The following DNMT1 variants were observed in gnomAD, a reference collection of about 807,000 sequenced individuals.
DNMT1 encodes the protein DNA (cytosine-5)-methyltransferase 1.
In DNMT1, 24 loss-of-function variants were observed where a neutral mutation model predicts 205.3. That is an observed-to-expected ratio of 0.12 (90% CI 0.08 to 0.16). The LOEUF is 0.16. DNMT1 is among the 10% of genes least tolerant of loss of function. The pLI, the probability that DNMT1 is intolerant of heterozygous loss-of-function variation, is 1.00. For synonymous variants in DNMT1, 817 were observed against 839.8 expected (o/e 0.97, Z 0.47); for missense variants, 1,293 against 2,177.7 (o/e 0.59, Z 8.09).
chr19:10,154,768 C>T lies in DNMT1; in HGVS notation c.1650G>A (p.Thr550=), dbSNP rs2038423011. Residue 550 remains threonine, a synonymous_variant, in exon 21 of 41, where the codon ACG becomes ACA. Coordinates refer to ENST00000359526, the MANE Select transcript of DNMT1 (RefSeq NM_001130823.3). This position sits in a 1 kb window ranked among gnomAD's most constrained non-coding sequence, Gnocchi z 6.3. The part of the protein sequence containing the change: ...YEDLINKIET[T]VPPSGLNLNR... ...TCAAGTTGAGGCCAGAAGGAGGAAC[C>T]GTGGTCTTGAAAGAGAACAGGTTTC... 8 of 1,614,188 alleles carry T rather than the reference C, an allele frequency of 5.0e-6. No homozygotes were observed. The Middle Eastern group carries it at 6.6e-4, about 133-fold the overall frequency.
chr19:10,147,175 T>C (rs1338982090), intron 27 of DNMT1, among the ~76,000 whole-genome samples: 1 of 151,894 alleles, frequency 6.6e-6, no homozygotes, highest in African/African-American at 2.4e-5. Flanking sequence ...GGCAGGAAGA[T>C]CACTTGAGCC....
At chr19:10,150,881 C>T (rs979765034) in intron 24 of DNMT1, among the ~76,000 whole-genome samples, 1 of 152,050 alleles carries the variant, frequency 6.6e-6, no homozygotes, top group Non-Finnish European at 1.5e-5. Flanking sequence ...TCACTTGAGG[C>T]CGGAGTTCGA....
chr19:10,190,463 C>T (rs1239715265), intron 1 of DNMT1, among the ~76,000 whole-genome samples: 1 of 152,004 alleles, frequency 6.6e-6, no homozygotes, highest in Non-Finnish European at 1.5e-5. Context: ...TGAGAGCAGG[C>T]TTAAGAATGA....
At chr19:10,148,491 G>A (rs1473116683) in intron 27 of DNMT1, among the ~76,000 whole-genome samples, 12 of 138,880 alleles carry the variant, frequency 8.6e-5, no homozygotes, top group Admixed American at 1.5e-4. Context: ...GCGAGACTCC[G>A]TCTCAAAAAA....
Position 10,137,529 on chromosome 19 carries a change from G to A in DNMT1, c.4294-249C>T, listed in dbSNP as rs111553425. 43 of 636,676 alleles carry A rather than the reference G, an allele frequency of 6.8e-5. 1 individual carries two copies. The highest frequency in any genetic ancestry group is 4.4e-4 in the African/African-American group (24 of 54,870). The allele number at this position is 636,676 out of a possible 1,614,324, so 39.4% of individuals were successfully genotyped here. A position where few individuals can be genotyped will look rare whatever the true frequency, so the allele number is the denominator to read the frequency against. On this transcript the variant is annotated intron_variant, in intron 36 of 40. Coordinates refer to ENST00000359526, the MANE Select transcript of DNMT1 (RefSeq NM_001130823.3). This position sits in a 1 kb window ranked among gnomAD's most constrained non-coding sequence, Gnocchi z 6.4. ...GTGGGGGAAGGGGAGTGGTGCCAGGGGATGGTGAAAGGGCTGGTCTTGGCA... is the reference window on the plus strand; with the variant it reads ...GTGGGGGAAGGGGAGTGGTGCCAGGAGATGGTGAAAGGGCTGGTCTTGGCA...
rs146117098 is a variant in DNMT1 at position 10,181,010 on chromosome 19, G to A, written c.118-125C>T. The A allele has an allele frequency of 4.6e-5, 35 of 769,210 alleles. No homozygotes were observed. The African/African-American group carries it at 5.6e-4, about 12-fold the overall frequency. 47.6% of individuals were successfully genotyped at this position (769,210 alleles called of 1,614,324 possible). A position where few individuals can be genotyped will look rare whatever the true frequency, so the allele number is the denominator to read the frequency against. ...GTGAATGGCAGGCAATGCTGTCTCA[G>A]TCAAAACACTAAACAGTCATGAAAT... On this transcript the variant is annotated intron_variant, in intron 2 of 40. Coordinates refer to ENST00000359526, the MANE Select transcript of DNMT1 (RefSeq NM_001130823.3).
chr19:10,178,663 A>C (rs1270654378), intron 5 of DNMT1: 2 of 152,520 alleles, frequency 1.3e-5, no homozygotes, highest in Non-Finnish European at 2.9e-5. Flanking sequence ...CTGAGGCAGG[A>C]GAATGGCATG....
chr19:10,173,018 C>G (rs185030877), intron 9 of DNMT1, 72 bp downstream of exon 9: 1 of 1,571,010 alleles, frequency 6.4e-7, no homozygotes, highest in Non-Finnish European at 8.8e-7. Context: ...CCTGTCCCCA[C>G]GTCCTGGAAG....
intron 1 of DNMT1, among the ~76,000 whole-genome samples, chr19:10,189,519 A>G (rs575712255): frequency 6.6e-6 from 1 of 151,606 alleles, no homozygotes; most frequent in East Asian, 1.9e-4. Flanking sequence ...TCATGGGTTC[A>G]AGTGATCCTC....
intron 1 of DNMT1, among the ~76,000 whole-genome samples, 161 bp from the exon 2 acceptor site, chr19:10,182,238 A>G (rs1434650310): frequency 6.6e-6 from 1 of 152,076 alleles, no homozygotes; most frequent in East Asian, 1.9e-4. Flanking sequence ...AAGAGTCTAG[A>G]GTGTCCTACT....
chr19:10,173,352 C>A (rs1399624793), intron 8 of DNMT1, among the ~76,000 whole-genome samples, 178 bp from the exon 9 acceptor site: 1 of 152,140 alleles, frequency 6.6e-6, no homozygotes, highest in Non-Finnish European at 1.5e-5. Flanking sequence ...GGTTCGAATG[C>A]CAGCTGCCCT....
At chr19:10,136,070 C>A (rs574078689) in intron 38 of DNMT1, 51 bp downstream of exon 38, 1 of 1,611,816 alleles carries the variant, frequency 6.2e-7, no homozygotes, top group Non-Finnish European at 8.5e-7. Flanking sequence ...CTAGTTAGGC[C>A]GCCAAGTACA....
chr19:10,133,772 A>T lies in DNMT1; in HGVS notation c.4865-71T>A, dbSNP rs924484099. 20 of 1,472,418 alleles carry T rather than the reference A, an allele frequency of 1.4e-5. No individual in the cohort carries two copies. In the Admixed American group the frequency reaches 3.9e-4, roughly 29 times the overall value. The allele number at this position is 1,472,418 out of a possible 1,614,324, so 91.2% of individuals were successfully genotyped here. A position where few individuals can be genotyped will look rare whatever the true frequency, so the allele number is the denominator to read the frequency against. On this transcript the variant is annotated intron_variant, in intron 40 of 40. Transcript: ENST00000359526. This position sits in a 1 kb window ranked among gnomAD's most constrained non-coding sequence, Gnocchi z 4.1. ...TGTCACGCCACTTGACAGGCGAGTA[A>T]CAGACATGGACCATCAGGAAACATT...
In DNMT1 at chr19:10,135,229, AAG is replaced by A. The variant is rs1377120132; in HGVS notation, c.4773+505_4773+506del. On this transcript the variant is annotated intron_variant, in intron 39 of 40. Coordinates refer to ENST00000359526, the MANE Select transcript of DNMT1 (RefSeq NM_001130823.3). ...CTCCATCTCAAAAAAAAAAAAAAAA[AAG>A]AGAGAGTGGCTGCTTCCCGAGAACC... Among the ~76,000 whole-genome samples, 4 of 150,452 alleles carry A rather than the reference AAG, an allele frequency of 2.7e-5. No individual in the cohort carries two copies. The East Asian group carries it at 5.9e-4, about 22-fold the overall frequency.
At chr19:10,179,126 CAA>C (rs1000467616) in intron 5 of DNMT1, among the ~76,000 whole-genome samples, 10,987 of 64,478 alleles carry the variant, frequency 0.17, 512 homozygotes, top group East Asian at 0.44. Flanking sequence ...GACTCCATCT[CAA>C]AAAAAAAAAA....
chr19:10,143,626 G>A (rs942282255), intron 29 of DNMT1, 140 bp downstream of exon 29: 15 of 973,488 alleles, frequency 1.5e-5, no homozygotes, highest in Middle Eastern at 3.0e-4. Flanking sequence ...AGTGCCCACC[G>A]ATAATCAGAA....
rs572638597 is a variant in DNMT1 at position 10,136,139 on chromosome 19, G to A, written c.4638C>T (p.Pro1546=). ...DGFFSTTVTN[P]EPMGKQGRVL... ...CACCTACCTGCTTGCCCATGGGCTC[G>A]GGGTTGGTGACGGTTGTGCTGAAGA... The change falls in exon 38 of 41, where the codon CCC becomes CCT. Residue 1546 remains proline (P), a synonymous_variant. Coordinates refer to ENST00000359526, the MANE Select transcript of DNMT1 (RefSeq NM_001130823.3). 2.2e-5 allele frequency: 35 copies of A among 1,614,026 alleles called. No individual in the cohort carries two copies. The highest frequency in any genetic ancestry group is 1.8e-4 in the East Asian group (8 of 44,876).
chr19:10,137,989 C>A lies in DNMT1; in HGVS notation c.4136G>T (p.Arg1379Leu). The change falls in exon 36 of 41, where the codon CGG becomes CTG. Residue 1379 changes from arginine to leucine, a missense_variant. Physicochemically the swap from Arg to Leu is moderately radical, Grantham distance 102. Transcript: ENST00000359526. This position sits in a 1 kb window ranked among gnomAD's most constrained non-coding sequence, Gnocchi z 6.4. Reference sequence around the variant, plus strand: ...CATCGTGTCTCGCACCGTGATGGTCCGGAAAGGACCCGAGCTCAACCTGCA... The same window carrying A: ...CATCGTGTCTCGCACCGTGATGGTCAGGAAAGGACCCGAGCTCAACCTGCA... The part of the protein sequence containing the change: ...NITRLSSGPF[R>L]TITVRDTMSD... 1 of 1,611,320 alleles carries A rather than the reference C, an allele frequency of 6.2e-7. No homozygotes were observed. The highest frequency in any genetic ancestry group is 8.5e-7 in the Non-Finnish European group (1 of 1,179,094).
chr19:10,166,742 G>A lies in DNMT1; in HGVS notation c.804-57C>T, dbSNP rs188576364. ...GTCAGCTCGGGGGGGGCCCTGCACC[G>A]GGGCCAACAGCTCCTAAGGGCTGAC... On this transcript the variant is annotated intron_variant, in intron 10 of 40. Coordinates refer to ENST00000359526, the MANE Select transcript of DNMT1 (RefSeq NM_001130823.3). The A allele has an allele frequency of 5.4e-3, 8,501 of 1,580,062 alleles. 40 individuals are homozygous for A. The highest frequency in any genetic ancestry group is 5.8e-3 in the Non-Finnish European group (6,682 of 1,150,714).
Sources: allele counts gnomAD v4.1 joint callset (sites outside exome capture counted in the v4.1 genomes callset), GRCh38; gene constraint gnomAD v4.1.1; non-coding constraint Gnocchi (gnomAD v3.1); transcripts MANE v1.5; gene names NCBI Gene and HGNC (gene_info 2026-07-23, HGNC 2026-07-21).